Variants in MED13L observed in about 807,000 individuals in gnomAD.
MED13L encodes the protein mediator complex subunit 13L.
A neutral mutation model predicts 220.9 loss-of-function variants in MED13L; 7 were observed. The observed-to-expected ratio is 0.03, with a 90% CI of 0.02 to 0.06. The LOEUF (loss-of-function observed/expected upper bound fraction) is 0.06. Ranked by LOEUF, MED13L falls within the 10% of genes least tolerant of loss-of-function variation. The probability of loss-of-function intolerance (pLI) is 1.00; values close to 1 mark genes in which losing one functional copy is unlikely to be tolerated. For synonymous variants in MED13L, 1,011 were observed against 1,015.2 expected (o/e 1.00, Z 0.08); for missense variants, 1,965 against 2,760.5 (o/e 0.71, Z 6.46).
chr12:116,218,737 T>A (rs1021525714), intron 2 of MED13L, among the ~76,000 whole-genome samples: 1 of 143,592 alleles, frequency 7.0e-6, no homozygotes, highest in African/African-American at 2.5e-5. Context: ...AGCAGTAAAA[T>A]TTTTTTTTTT....
intron 1 of MED13L, among the ~76,000 whole-genome samples, chr12:116,270,611 T>G (rs753262978): frequency 3.3e-5 from 5 of 152,172 alleles, no homozygotes; most frequent in Non-Finnish European, 5.9e-5. Context: ...GAGTCTGAAT[T>G]TACAATTCGT....
chr12:116,058,185 G>C (rs891649300), intron 4 of MED13L, among the ~76,000 whole-genome samples: 1 of 152,150 alleles, frequency 6.6e-6, no homozygotes, highest in Non-Finnish European at 1.5e-5. Context: ...AAGTGACCAT[G>C]ATTTACTGTT....
intron 16 of MED13L, among the ~76,000 whole-genome samples, chr12:115,993,989 A>T (rs1260819476): frequency 6.6e-6 from 1 of 152,190 alleles, no homozygotes; most frequent in African/African-American, 2.4e-5. Flanking sequence ...GATTACACAT[A>T]TGCTGGAAAC....
At chr12:115,961,535 A>T in intron 30 of MED13L, 137 bp from the exon 31 acceptor site, 1 of 1,210,448 alleles carries the variant, frequency 8.3e-7, no homozygotes. Flanking sequence ...TCTTTCCCTC[A>T]TCCTTTGTCT....
chr12:116,058,990 G>A (rs548385448), intron 4 of MED13L, among the ~76,000 whole-genome samples: 4 of 152,122 alleles, frequency 2.6e-5, no homozygotes, highest in African/African-American at 9.7e-5. Context: ...ATAAAAAAAG[G>A]TTTCCATTTA....
At chr12:116,031,702 A>AGG (rs2137494529) in intron 4 of MED13L, among the ~76,000 whole-genome samples, 7 of 45,744 alleles carry the variant, frequency 1.5e-4, no homozygotes, top group African/African-American at 4.5e-4. Context: ...AAAGAAAAGA[A>AGG]AAGAAAAGAA....
chr12:116,227,294 T>C (rs17426970), intron 2 of MED13L, among the ~76,000 whole-genome samples: 23,078 of 152,166 alleles, frequency 0.15, 1,962 homozygotes, highest in Middle Eastern at 0.22. Flanking sequence ...AGAAGATCTC[T>C]AACGATAGCA....
At chr12:116,261,407 G>A (rs1957909024) in intron 1 of MED13L, among the ~76,000 whole-genome samples, 1 of 148,762 alleles carries the variant, frequency 6.7e-6, no homozygotes, top group Non-Finnish European at 1.5e-5. Flanking sequence ...TGAGGTGGAA[G>A]AATCACTTGA....
chr12:116,055,808 T>C (rs1438387710), intron 4 of MED13L, among the ~76,000 whole-genome samples: 1 of 151,768 alleles, frequency 6.6e-6, no homozygotes, highest in Non-Finnish European at 1.5e-5. Flanking sequence ...GGCACGAGAA[T>C]CGCTTGAACC....
intron 2 of MED13L, among the ~76,000 whole-genome samples, chr12:116,116,527 A>C (rs558334034): frequency 1.3e-5 from 2 of 152,092 alleles, no homozygotes; most frequent in Admixed American, 6.6e-5. Flanking sequence ...ACCAGTAAAC[A>C]TAAGTAAAGT....
intron 28 of MED13L, among the ~76,000 whole-genome samples, 176 bp from the exon 29 acceptor site, chr12:115,966,419 CAT>C (rs1876166512): frequency 6.6e-6 from 1 of 152,190 alleles, no homozygotes; most frequent in Non-Finnish European, 1.5e-5. Context: ...TTGCTGCACA[CAT>C]AGAGAAGATA....
At chr12:116,082,246 C>G (rs1461598303) in intron 4 of MED13L, among the ~76,000 whole-genome samples, 1 of 152,120 alleles carries the variant, frequency 6.6e-6, no homozygotes, top group African/African-American at 2.4e-5. Context: ...TTTCAAGCTA[C>G]AGAAGTGACA....
rs745882136 is a variant in MED13L at position 116,006,368 on chromosome 12, T to C, written c.2282A>G (p.His761Arg). 7.4e-6 allele frequency: 12 copies of C among 1,613,966 alleles called. No individual in the cohort carries two copies. Among genetic ancestry groups the C allele is most frequent in the Non-Finnish European group, 1.0e-5 (12 of 1,179,962 alleles). Residue 761 changes from histidine to arginine, a missense_variant, in exon 12 of 31, where the codon CAT becomes CGT. This residue lies in a region of MED13L where 818 missense variants were observed against 1,041.2 expected (regional missense o/e 0.79). Coordinates refer to ENST00000281928, the MANE Select transcript of MED13L (RefSeq NM_015335.5). ...TTTCCCATCAGGCACCGGCGTGGAA[T>C]GACCTGGTGTAGTGACATCCTTGGT... is the stretch of plus-strand genomic sequence containing the variant. ...FGTKDVTTPG[H>R]STPVPDGKNA...
At chr12:116,146,236 C>A (rs1303013651) in intron 2 of MED13L, among the ~76,000 whole-genome samples, 1 of 152,086 alleles carries the variant, frequency 6.6e-6, no homozygotes, top group African/African-American at 2.4e-5. Flanking sequence ...GATTCTCCTG[C>A]CTCAGCCTCC....
Position 115,986,505 on chromosome 12 carries a change from A to C in MED13L, c.4115-16T>G, listed in dbSNP as rs1172901738. ...TCTTCCGAACCTAAAATGACATTGT[A>C]GTGTAGAAAGGTGCTAGAGAGTTTT... On this transcript the variant is annotated splice_polypyrimidine_tract_variant and intron_variant, in intron 18 of 30. Transcript: ENST00000281928. The C allele has an allele frequency of 6.2e-7, 1 of 1,610,560 alleles. No individual in the cohort carries two copies. The highest frequency in any genetic ancestry group is 1.7e-5 in the Admixed American group (1 of 60,014).
intron 3 of MED13L, among the ~76,000 whole-genome samples, chr12:116,097,753 TG>T (rs1239543266): frequency 2.0e-5 from 3 of 152,210 alleles, no homozygotes; most frequent in Admixed American, 6.5e-5. Flanking sequence ...TATTCTAACA[TG>T]TTTTTTTGAA....
At chr12:116,007,087 T>G in intron 11 of MED13L, 1 of 358,604 alleles carries the variant, frequency 2.8e-6, no homozygotes, top group Non-Finnish European at 5.3e-6. Flanking sequence ...ACATTTTGGG[T>G]AGTTCGGAAT....
intron 4 of MED13L, among the ~76,000 whole-genome samples, chr12:116,086,045 C>T (rs761116655): frequency 1.1e-4 from 16 of 152,146 alleles, no homozygotes; most frequent in Admixed American, 3.9e-4. Context: ...TGCTAGACAA[C>T]GCTTGGGCGA....
In MED13L at chr12:115,969,039, T is replaced by C; in HGVS notation, c.6126A>G (p.Leu2042=). The part of the protein sequence containing the change: ...PDDMDNDIGI[L]MTGNLHSSPN... ...GAGAGGAATGGAGGTTCCCAGTCAT[T>C]AATATGCCAATATCATTGTCCATAT... The change falls in exon 28 of 31, where the codon TTA becomes TTG. Residue 2042 remains leucine (L), a synonymous_variant. Transcript: ENST00000281928. 2 of 1,613,864 alleles carry C rather than the reference T, an allele frequency of 1.2e-6. No individual in the cohort carries two copies. Among genetic ancestry groups the C allele is most frequent in the East Asian group, 4.5e-5 (2 of 44,872 alleles).
Sources: allele counts gnomAD v4.1 joint callset (sites outside exome capture counted in the v4.1 genomes callset), GRCh38; gene constraint gnomAD v4.1.1; regional missense constraint gnomAD v4.1.1; transcripts MANE v1.5; gene names NCBI Gene and HGNC (gene_info 2026-07-23, HGNC 2026-07-21).